The following OPCML variants were observed in gnomAD, a reference collection of about 807,000 sequenced individuals.
OPCML encodes the protein opioid binding protein/cell adhesion molecule like, also known as opioid-binding protein/cell adhesion molecule.
A neutral mutation model predicts 37.8 loss-of-function variants in OPCML; 13 were observed. The ratio of observed to expected loss-of-function variants is 0.34; its 90% CI spans 0.22 to 0.55. OPCML has a LOEUF of 0.55. Ranked by LOEUF, OPCML falls within the 20% of genes least tolerant of loss-of-function variation. The pLI is 0.91. For synonymous variants in OPCML, 176 were observed against 168.8 expected (o/e 1.04, Z -0.33); for missense variants, 341 against 435.6 (o/e 0.78, Z 1.93).
intron 1 of OPCML, among the ~76,000 whole-genome samples, chr11:133,487,574 T>C (rs566855168): frequency 4.7e-4 from 71 of 152,260 alleles, no homozygotes; most frequent in African/African-American, 1.5e-3. Context: ...GGTCCCTTTG[T>C]TTTCTTTTAT....
chr11:132,741,981 A>G (rs961553056), intron 2 of OPCML, among the ~76,000 whole-genome samples: 1 of 151,938 alleles, frequency 6.6e-6, no homozygotes, highest in Admixed American at 6.6e-5. Context: ...GTGAGCCAAG[A>G]TTGCACCGTT....
chr11:132,846,688 T>C (rs1042615502), intron 2 of OPCML, among the ~76,000 whole-genome samples: 3 of 152,194 alleles, frequency 2.0e-5, no homozygotes, highest in African/African-American at 7.2e-5. Flanking sequence ...GGACAATAAA[T>C]GATTGTTGAG....
At chr11:133,431,487 C>T (rs973027295) in intron 1 of OPCML, among the ~76,000 whole-genome samples, 7 of 152,098 alleles carry the variant, frequency 4.6e-5, no homozygotes, top group South Asian at 2.1e-4. Context: ...GTTTTCGACG[C>T]GGAGTTTTGC....
At position 132,529,152 on chromosome 11, in the gene OPCML, G is replaced by T; in HGVS notation, c.414C>A (p.Ile138=). 1 of 1,612,332 alleles carries T rather than the reference G, an allele frequency of 6.2e-7. No individual in the cohort carries two copies. Among genetic ancestry groups the T allele is most frequent in the Non-Finnish European group, 8.5e-7 (1 of 1,178,928 alleles). Reference sequence around the variant, plus strand: ...TCACACTGCTTCCCTCATTCACAGTGATGTCTGAGGAGATATTCATGATCT... The same window carrying T: ...TCACACTGCTTCCCTCATTCACAGTTATGTCTGAGGAGATATTCATGATCT... ...PPQIMNISSD[I]TVNEGSSVTL... Residue 138 remains isoleucine, a synonymous_variant, in exon 4 of 8, where the codon ATC becomes ATA. Coordinates refer to ENST00000524381, the MANE Select transcript of OPCML (RefSeq NM_001012393.5).
chr11:132,734,159 A>G (rs1415171455), intron 2 of OPCML, among the ~76,000 whole-genome samples: 2 of 152,196 alleles, frequency 1.3e-5, no homozygotes, highest in Non-Finnish European at 2.9e-5. Flanking sequence ...GGAAACACAT[A>G]TACACACAAT....
intron 3 of OPCML, among the ~76,000 whole-genome samples, chr11:132,613,613 T>C (rs80181881): frequency 0.031 from 4,768 of 152,274 alleles, 138 homozygotes; most frequent in East Asian, 0.056. Flanking sequence ...GTATGACTAA[T>C]CTTAGGGGTA....
At chr11:133,367,123 C>A (rs1291019089) in intron 1 of OPCML, among the ~76,000 whole-genome samples, 1 of 152,158 alleles carries the variant, frequency 6.6e-6, no homozygotes, top group Non-Finnish European at 1.5e-5. Flanking sequence ...GGATTACAGG[C>A]ATGTACCACG....
At chr11:132,732,926 G>A (rs1945128570) in intron 2 of OPCML, among the ~76,000 whole-genome samples, 1 of 152,110 alleles carries the variant, frequency 6.6e-6, no homozygotes, top group Non-Finnish European at 1.5e-5. Context: ...CACAGAAGTA[G>A]TAGTATTATT....
intron 2 of OPCML, among the ~76,000 whole-genome samples, chr11:132,801,995 C>T (rs1938679051): frequency 6.6e-6 from 1 of 152,128 alleles, no homozygotes; most frequent in African/African-American, 2.4e-5. Context: ...GTCATCTCCC[C>T]CCACCACCCT....
chr11:132,970,558 G>C (rs1946318568), intron 1 of OPCML, among the ~76,000 whole-genome samples: 1 of 152,086 alleles, frequency 6.6e-6, no homozygotes, highest in South Asian at 2.1e-4. Flanking sequence ...ATTATTTATT[G>C]TGGCATTCAT....
At chr11:133,528,960 C>G (rs1231570034) in intron 1 of OPCML, among the ~76,000 whole-genome samples, 2 of 152,232 alleles carry the variant, frequency 1.3e-5, no homozygotes, top group African/African-American at 4.8e-5. Context: ...GTGCTGGCCC[C>G]TGGAAGGACT....
chr11:132,615,876 G>C (rs574269907), intron 3 of OPCML, among the ~76,000 whole-genome samples: 1 of 152,286 alleles, frequency 6.6e-6, no homozygotes, highest in East Asian at 1.9e-4. Flanking sequence ...ACAAACAGAA[G>C]GTGAGTAACC....
At chr11:132,581,496 C>T (rs1159874824) in intron 3 of OPCML, among the ~76,000 whole-genome samples, 1 of 152,184 alleles carries the variant, frequency 6.6e-6, no homozygotes, top group Non-Finnish European at 1.5e-5. Context: ...ATCTCACCTA[C>T]TTTGTTCACA....
At chr11:132,514,720 G>T (rs774028956) in intron 4 of OPCML, among the ~76,000 whole-genome samples, 2 of 152,118 alleles carry the variant, frequency 1.3e-5, no homozygotes, top group Non-Finnish European at 2.9e-5. Flanking sequence ...CTGCCAAAAA[G>T]ATACAAAGTG....
intron 1 of OPCML, among the ~76,000 whole-genome samples, chr11:133,478,294 C>T (rs1268289923): frequency 6.6e-6 from 1 of 152,178 alleles, no homozygotes; most frequent in African/African-American, 2.4e-5. Context: ...TCCCCTGCCT[C>T]TCCCTCCAGC....
At chr11:133,340,959 C>T (rs7124816) in intron 1 of OPCML, among the ~76,000 whole-genome samples, 9,022 of 152,142 alleles carry the variant, frequency 0.059, 370 homozygotes, top group African/African-American at 0.12. Flanking sequence ...TAAAAAGATG[C>T]GACCCTGACA....
chr11:132,713,653 T>A (rs1944355932), intron 2 of OPCML, among the ~76,000 whole-genome samples: 1 of 152,234 alleles, frequency 6.6e-6, no homozygotes, highest in African/African-American at 2.4e-5. Context: ...CGGCCAGAAA[T>A]CTGGAGTTGG....
chr11:133,086,016 G>A (rs1047991036), intron 1 of OPCML, among the ~76,000 whole-genome samples: 3 of 152,184 alleles, frequency 2.0e-5, no homozygotes, highest in Non-Finnish European at 2.9e-5. Context: ...AGAGAAAATA[G>A]AGGACAGTTA....
In OPCML at chr11:132,453,333, C is replaced by T. The variant is rs185158260; in HGVS notation, c.506-15974G>A. On this transcript the variant is annotated intron_variant, in intron 4 of 7. Coordinates refer to ENST00000524381, the MANE Select transcript of OPCML (RefSeq NM_001012393.5). ...ATCTGACCCCAAATATCACTAGCAC[C>T]AAAGCTGAGAAACCTGCACCAAAAT... Among the ~76,000 whole-genome samples the T allele has an allele frequency of 3.3e-5, 5 of 152,272 alleles. No homozygotes were observed. The East Asian group carries it at 9.7e-4, about 29-fold the overall frequency.
Sources: allele counts gnomAD v4.1 joint callset (sites outside exome capture counted in the v4.1 genomes callset), GRCh38; gene constraint gnomAD v4.1.1; transcripts MANE v1.5; gene names NCBI Gene and HGNC (gene_info 2026-07-23, HGNC 2026-07-21).